Variants in DPP10 observed in about 807,000 individuals in gnomAD.
DPP10 encodes the protein inactive dipeptidyl peptidase 10.
DPP10 carries 33 observed loss-of-function variants against 120.9 expected under a neutral mutation model. The ratio of observed to expected loss-of-function variants is 0.27; its 90% CI spans 0.21 to 0.37. DPP10 has a LOEUF of 0.37. DPP10 is among the 10% of genes least tolerant of loss of function. The probability of loss-of-function intolerance (pLI) is 1.00; values close to 1 mark genes in which losing one functional copy is unlikely to be tolerated. For synonymous variants in DPP10, 337 were observed against 326.1 expected (o/e 1.03, Z -0.36); for missense variants, 816 against 942.8 (o/e 0.87, Z 1.76).
intron 10 of DPP10, among the ~76,000 whole-genome samples, chr2:115,750,833 G>A (rs1678609656): frequency 6.6e-6 from 1 of 152,074 alleles, no homozygotes; most frequent in African/African-American, 2.4e-5. Flanking sequence ...GTGAGGTGTT[G>A]CAAAGATGTT....
chr2:114,539,429 A>G (rs1259175659), intron 1 of DPP10, among the ~76,000 whole-genome samples: 1 of 152,186 alleles, frequency 6.6e-6, no homozygotes, highest in Non-Finnish European at 1.5e-5. Flanking sequence ...CCACTGTGCC[A>G]TAAGGCCTCT....
chr2:115,253,098 G>A (rs1396862015), intron 1 of DPP10, among the ~76,000 whole-genome samples: 2 of 152,134 alleles, frequency 1.3e-5, no homozygotes, highest in Non-Finnish European at 2.9e-5. Context: ...GGAGGTCTCA[G>A]GGAGCTTACA....
Position 114,699,151 on chromosome 2 carries a change from C to T in DPP10, c.60+256313C>T, listed in dbSNP as rs375935579. On this transcript the variant is annotated intron_variant, in intron 1 of 25. Transcript: ENST00000410059. ...CATTAAATGGTGATAATCTAAAAAA[C>T]GTTAAGTAATTGTCTTGCAGACGTA... Among the ~76,000 whole-genome samples, 12 of 152,202 alleles carry T rather than the reference C, an allele frequency of 7.9e-5. No individual in the cohort carries two copies. The East Asian group carries it at 1.6e-3, about 20-fold the overall frequency.
At chr2:115,774,984 A>G (rs1277064607) in intron 13 of DPP10, among the ~76,000 whole-genome samples, 1 of 152,162 alleles carries the variant, frequency 6.6e-6, no homozygotes, top group Non-Finnish European at 1.5e-5. Context: ...TTGCACAAAT[A>G]ACAACATTTA....
chr2:115,019,461 AC>A (rs1289336569), intron 1 of DPP10, among the ~76,000 whole-genome samples: 1 of 152,134 alleles, frequency 6.6e-6, no homozygotes, highest in East Asian at 1.9e-4. Flanking sequence ...ACCCAATCCA[AC>A]AAAAACAAGG....
chr2:115,744,143 T>C (rs529859928), intron 9 of DPP10, among the ~76,000 whole-genome samples: 1 of 150,758 alleles, frequency 6.6e-6, no homozygotes, highest in South Asian at 2.1e-4. Context: ...AGATTCTAAT[T>C]CCAAGTCTGA....
intron 3 of DPP10, among the ~76,000 whole-genome samples, chr2:115,449,403 A>T (rs537951525): frequency 6.6e-6 from 1 of 152,202 alleles, no homozygotes; most frequent in East Asian, 1.9e-4. Context: ...AGTCTACTTG[A>T]TCTTAGTTAT....
chr2:114,861,687 A>C (rs2106529375), intron 1 of DPP10, among the ~76,000 whole-genome samples: 1 of 152,292 alleles, frequency 6.6e-6, no homozygotes, highest in Non-Finnish European at 1.5e-5. Context: ...TTCTGGGGCC[A>C]GTTGCTGGTG....
At chr2:115,309,218 C>CT (rs557340359) in intron 1 of DPP10, 21 bp from the exon 2 acceptor site, 44 of 1,596,842 alleles carry the variant, frequency 2.8e-5, no homozygotes, top group African/African-American at 2.0e-4. Context: ...AATTACAAAA[C>CT]TTTTTTTTCT....
chr2:114,619,705 C>T (rs1030376044), intron 1 of DPP10, among the ~76,000 whole-genome samples: 17 of 152,080 alleles, frequency 1.1e-4, no homozygotes, highest in African/African-American at 3.9e-4. Flanking sequence ...AGGTAGGGCT[C>T]TATTCCAACA....
intron 5 of DPP10, among the ~76,000 whole-genome samples, chr2:115,538,031 G>C (rs1390718467): frequency 1.3e-5 from 2 of 151,996 alleles, no homozygotes; most frequent in Non-Finnish European, 2.9e-5. Context: ...GGCAGAGTCT[G>C]CAACACTGTA....
intron 1 of DPP10, among the ~76,000 whole-genome samples, chr2:115,022,163 G>C (rs1275884629): frequency 1.3e-5 from 2 of 152,098 alleles, no homozygotes; most frequent in African/African-American, 4.8e-5. Flanking sequence ...GTCCTAGCCA[G>C]AGCAATCAGA....
chr2:115,550,946 A>G (rs2079834371), intron 5 of DPP10, among the ~76,000 whole-genome samples: 1 of 152,166 alleles, frequency 6.6e-6, no homozygotes. Context: ...TAATGACTAA[A>G]ACATTCAAAA....
intron 1 of DPP10, among the ~76,000 whole-genome samples, chr2:115,182,771 A>C: frequency 6.6e-6 from 1 of 152,158 alleles, no homozygotes; most frequent in East Asian, 1.9e-4. Context: ...TACCTCCCTA[A>C]CCTGAGTGAT....
chr2:115,215,898 C>T (rs566122205), intron 1 of DPP10, among the ~76,000 whole-genome samples: 5 of 152,166 alleles, frequency 3.3e-5, no homozygotes, highest in East Asian at 3.9e-4. Context: ...TATATGGAAT[C>T]GTGCTAAATA....
chr2:115,813,377 A>G (rs1686872571), intron 19 of DPP10, among the ~76,000 whole-genome samples: 1 of 152,144 alleles, frequency 6.6e-6, no homozygotes, highest in African/African-American at 2.4e-5. Context: ...GCGCCTCTTC[A>G]TATGGTAGTC....
rs1384984749 is a variant in DPP10 at position 115,842,277 on chromosome 2, A to C, written c.2323A>C (p.Lys775Gln). The change falls in exon 26 of 26, where the codon AAA (lysine) becomes CAA (glutamine). Residue 775 changes from lysine to glutamine, a missense_variant. By Grantham distance (53) the Lys-to-Gln change is moderately conservative. Transcript: ENST00000410059. ...SKYHLYSTIL[K>Q]FFSDCLKEEI... is the part of the protein sequence containing the mutation. Reference sequence around the variant, plus strand: ...GTATCATCTCTACAGCACAATCCTCAAATTCTTCAGTGATTGTTTGAAGGA... The same window carrying C: ...GTATCATCTCTACAGCACAATCCTCCAATTCTTCAGTGATTGTTTGAAGGA... The C allele has an allele frequency of 6.2e-7, 1 of 1,614,014 alleles. No individual in the cohort carries two copies. The highest frequency in any genetic ancestry group is 2.2e-5 in the East Asian group (1 of 44,860).
intron 7 of DPP10, among the ~76,000 whole-genome samples, chr2:115,700,606 A>G (rs2091844268): frequency 6.6e-6 from 1 of 152,130 alleles, no homozygotes; most frequent in South Asian, 2.1e-4. Context: ...CAAACAAAAA[A>G]ATAAAATCAA....
At chr2:115,764,472 G>A (rs921646737) in intron 12 of DPP10, among the ~76,000 whole-genome samples, 7 of 151,726 alleles carry the variant, frequency 4.6e-5, no homozygotes, top group South Asian at 2.1e-4. Context: ...CACAAATTTC[G>A]GTTAGATACA....
Sources: gnomAD v4.1 joint callset for allele counts (sites outside exome capture counted in the v4.1 genomes callset) on GRCh38, gnomAD v4.1.1 for gene constraint, MANE v1.5 for transcripts, NCBI Gene and HGNC (gene_info 2026-07-23, HGNC 2026-07-21) for gene names.